Variants in RPA2 observed in about 807,000 individuals in gnomAD.
RPA2 encodes the protein replication protein A 32 kDa subunit.
A neutral mutation model predicts 33.4 loss-of-function variants in RPA2; 22 were observed. The observed-to-expected ratio is 0.66, with a 90% CI of 0.47 to 0.94. The LOEUF is 0.94. Among genes scored for constraint, RPA2 ranks in the 40% least tolerant of loss-of-function variants. The probability of loss-of-function intolerance (pLI) is 0.00; values close to 1 mark genes in which losing one functional copy is unlikely to be tolerated. For synonymous variants in RPA2, 109 were observed against 114.9 expected (o/e 0.95, Z 0.33); for missense variants, 279 against 329.9 (o/e 0.85, Z 1.19).
intron 4 of RPA2, among the ~76,000 whole-genome samples, chr1:27,903,228 C>T (rs936783920): frequency 5.5e-4 from 83 of 152,044 alleles, no homozygotes; most frequent in South Asian, 4.1e-4. Flanking sequence ...GACGCCTGGC[C>T]TTACGATTAT....
intron 6 of RPA2, among the ~76,000 whole-genome samples, chr1:27,896,044 C>A (rs2089887197): frequency 6.6e-6 from 1 of 151,564 alleles, no homozygotes; most frequent in African/African-American, 2.4e-5. Flanking sequence ...TACTTCAGAG[C>A]ACCTATATAA....
intron 4 of RPA2, among the ~76,000 whole-genome samples, chr1:27,906,544 G>A (rs2090030752): frequency 6.8e-6 from 1 of 146,144 alleles, no homozygotes; most frequent in African/African-American, 2.5e-5. Flanking sequence ...ACAAAAATTA[G>A]CCGGGCGTGG....
intron 6 of RPA2, 49 bp from the exon 7 acceptor site, chr1:27,894,446 C>T (rs755702983): frequency 4.0e-6 from 6 of 1,497,280 alleles, no homozygotes; most frequent in Non-Finnish European, 5.5e-6. Context: ...TCAAGTTAAA[C>T]AGTCTTTACT....
intron 2 of RPA2, among the ~76,000 whole-genome samples, chr1:27,908,616 C>A (rs1489746451): frequency 2.6e-5 from 4 of 151,782 alleles, no homozygotes; most frequent in South Asian, 2.1e-4. Flanking sequence ...CTGTCTCAGC[C>A]CCCCCGAGTA....
intron 4 of RPA2, among the ~76,000 whole-genome samples, chr1:27,903,036 T>A (rs535412455): frequency 6.6e-6 from 1 of 152,158 alleles, no homozygotes; most frequent in Non-Finnish European, 1.5e-5. Context: ...TTCAACTGAT[T>A]CTCCTGACTC....
At position 27,897,687 on chromosome 1, in the gene RPA2, A is replaced by G. The variant is rs1474430827; in HGVS notation, c.354T>C (p.Thr118=). 6.2e-7 allele frequency: 1 copy of G among 1,601,192 alleles called. No homozygotes were observed. The highest frequency in any genetic ancestry group is 8.5e-7 in the Non-Finnish European group (1 of 1,174,066). The change falls in exon 5 of 9, where the codon ACT becomes ACC. Residue 118 remains threonine, a synonymous_variant. Transcript: ENST00000373912. ...TCACATATGTTTCTGGAGGAACCAC[A>G]GTGTTTTCACTGCTGGTGTCCTAAC... is the stretch of plus-strand genomic sequence containing the variant. The part of the protein sequence containing the change: ...VDTDDTSSEN[T]VVPPETYVKV...
intron 4 of RPA2, among the ~76,000 whole-genome samples, chr1:27,901,144 A>G (rs923077055): frequency 2.6e-5 from 4 of 152,180 alleles, no homozygotes; most frequent in African/African-American, 9.7e-5. Flanking sequence ...ATGATATAAT[A>G]TCGAGAAATT....
At chr1:27,902,591 A>G (rs2089981387) in intron 4 of RPA2, among the ~76,000 whole-genome samples, 1 of 152,002 alleles carries the variant, frequency 6.6e-6, no homozygotes, top group African/African-American at 2.4e-5. Flanking sequence ...AGTCAAAAAG[A>G]CTATTTTTTA....
In RPA2 at chr1:27,892,142, C is replaced by T. The variant is rs777673659; in HGVS notation, c.*21G>A. ...AACTAGGTCCAGCTGTAAAATATCT[C>T]AGGTACCCAGTTAGATCCAGTTATT... On this transcript the variant is annotated 3_prime_UTR_variant, in exon 9 of 9. Coordinates refer to ENST00000373912, the MANE Select transcript of RPA2 (RefSeq NM_002946.5). 3.1e-6 allele frequency: 5 copies of T among 1,589,340 alleles called. No individual in the cohort carries two copies. The highest frequency in any genetic ancestry group is 4.3e-6 in the Non-Finnish European group (5 of 1,158,558).
chr1:27,908,036 T>C (rs1255876894), intron 2 of RPA2, among the ~76,000 whole-genome samples: 1 of 152,098 alleles, frequency 6.6e-6, no homozygotes, highest in Non-Finnish European at 1.5e-5. Context: ...TTTCACCATG[T>C]TGGCCAGGCT....
At chr1:27,897,545 A>AC (rs2089908440) in intron 5 of RPA2, 88 bp downstream of exon 5, 1 of 839,948 alleles carries the variant, frequency 1.2e-6, no homozygotes, top group African/African-American at 1.8e-5. Flanking sequence ...GGGAGACTTA[A>AC]GTATTTTAAC....
chr1:27,912,467 A>C (rs2090109949), intron 2 of RPA2, among the ~76,000 whole-genome samples: 1 of 151,874 alleles, frequency 6.6e-6, no homozygotes, highest in South Asian at 2.1e-4. Flanking sequence ...GGGAATGATC[A>C]CTTGAGGCAT....
chr1:27,900,656 T>C (rs1267325526), intron 4 of RPA2, among the ~76,000 whole-genome samples: 1 of 151,830 alleles, frequency 6.6e-6, no homozygotes, highest in Non-Finnish European at 1.5e-5. Flanking sequence ...AAAACTTGAG[T>C]GGATGAGGAG....
chr1:27,898,798 C>G (rs2089924830), intron 4 of RPA2, among the ~76,000 whole-genome samples: 1 of 152,030 alleles, frequency 6.6e-6, no homozygotes, highest in Non-Finnish European at 1.5e-5. Flanking sequence ...ACCTCATGAT[C>G]CACCCGTCGC....
chr1:27,912,420 G>A (rs1486222145), intron 2 of RPA2, among the ~76,000 whole-genome samples: 1 of 151,660 alleles, frequency 6.6e-6, no homozygotes, highest in Non-Finnish European at 1.5e-5. Context: ...ACACCGCAGT[G>A]AACATAGGTA....
Position 27,907,258 on chromosome 1 carries a change from G to A in RPA2, c.142C>T (p.Pro48Ser). Reference protein sequence around the residue: ...KSRARAQHIVPCTISQLLSAT... With the variant: ...KSRARAQHIVSCTISQLLSAT... ...GAAAGCAGCTGAGATATAGTACAGG[G>A]CACAATGTGCTGGGCTCGGGCTCTC... is the stretch of plus-strand genomic sequence containing the variant. Residue 48 changes from proline (P) to serine (S), a missense_variant, in exon 3 of 9, where the codon CCC becomes TCC. Physicochemically the swap from Pro to Ser is moderately conservative, Grantham distance 74. This residue lies in a region of RPA2 where 274 missense variants were observed against 310.3 expected (regional missense o/e 0.88). Coordinates refer to ENST00000373912, the MANE Select transcript of RPA2 (RefSeq NM_002946.5). 1 of 1,612,364 alleles carries A rather than the reference G, an allele frequency of 6.2e-7. No homozygotes were observed. The highest frequency in any genetic ancestry group is 8.5e-7 in the Non-Finnish European group (1 of 1,179,302).
At chr1:27,904,406 A>G (rs2090003338) in intron 4 of RPA2, among the ~76,000 whole-genome samples, 1 of 152,144 alleles carries the variant, frequency 6.6e-6, no homozygotes, top group Non-Finnish European at 1.5e-5. Context: ...AGCATAGTGC[A>G]TTTTATATGA....
rs765428859 is a variant in RPA2, at chr1:27,907,223, C to T, written c.177G>A (p.Leu59=). ...TCCCAATTCTGAACACTTCATCAAC[C>T]AAAGTGGCAGAAAGCAGCTGAGATA... ...CTISQLLSAT[L]VDEVFRIGNV... The change falls in exon 3 of 9, where the codon TTG becomes TTA. Residue 59 remains leucine, a synonymous_variant. Coordinates refer to ENST00000373912, the MANE Select transcript of RPA2 (RefSeq NM_002946.5). 1.5e-5 allele frequency: 24 copies of T among 1,613,860 alleles called. No homozygotes were observed. Among genetic ancestry groups the T allele is most frequent in the Admixed American group, 8.3e-5 (5 of 59,928 alleles).
chr1:27,903,893 A>G (rs12062621), intron 4 of RPA2, among the ~76,000 whole-genome samples: 65,326 of 144,960 alleles, frequency 0.45, 15,679 homozygotes, highest in African/African-American at 0.62. Context: ...AAAAAAGGCC[A>G]ATGGCTCATG....
Sources: gnomAD v4.1 joint callset for allele counts (sites outside exome capture counted in the v4.1 genomes callset) on GRCh38, gnomAD v4.1.1 for gene constraint, gnomAD v4.1.1 regional missense constraint, MANE v1.5 for transcripts, NCBI Gene and HGNC (gene_info 2026-07-23, HGNC 2026-07-21) for gene names.